Variants in IKZF1 observed in about 807,000 individuals in gnomAD.
IKZF1 encodes DNA-binding protein Ikaros.
Under a neutral mutation model 51.7 loss-of-function variants are expected in IKZF1, and 10 were observed. The ratio of observed to expected loss-of-function variants is 0.19; its 90% confidence interval spans 0.12 to 0.33. The LOEUF (loss-of-function observed/expected upper bound fraction) is 0.33, where lower values mean the gene tolerates loss of function less well. Among genes scored for constraint, IKZF1 ranks in the 10% least tolerant of loss-of-function variants. The probability of loss-of-function intolerance (pLI) is 1.00; values close to 1 mark genes in which losing one functional copy is unlikely to be tolerated. For synonymous variants in IKZF1, 280 were observed against 282.3 expected, an observed-to-expected ratio of 0.99 and a Z score of 0.08; for missense variants, 484 against 707.5, an observed-to-expected ratio of 0.68 and a Z score of 3.58.
chr7:50,313,381 G>A (rs1489661424), intron 1 of IKZF1, among the ~76,000 whole-genome samples: 1 of 152,192 alleles, frequency 6.6e-6, no homozygotes, highest in African/African-American at 2.4e-5. Flanking sequence ...AGCTTCACTT[G>A]TCAGGGAGGA....
chr7:50,402,840 GAGAC>G lies in IKZF1; in HGVS notation c.*2217_*2220del, dbSNP rs1818379754. ...CACCAATGCACTGAGTGAAGGAAGA[GAGAC>G]AGAGGATCAAGGGCTTTAGACAGCA... On this transcript the variant is annotated 3_prime_UTR_variant, in exon 8 of 8. Coordinates refer to ENST00000331340, the MANE Select transcript of IKZF1 (RefSeq NM_006060.6). 1 of 230,102 alleles carries G rather than the reference GAGAC, an allele frequency of 4.3e-6. No homozygotes were observed. Among genetic ancestry groups the G allele is most frequent in the Non-Finnish European group, 8.6e-6 (1 of 116,056 alleles). 14.3% of individuals were successfully genotyped at this position (230,102 alleles called of 1,614,324 possible).
At chr7:50,328,561 T>A (rs1351132866) in intron 3 of IKZF1, 1 of 152,220 alleles carries the variant, frequency 6.6e-6, no homozygotes, top group Non-Finnish European at 1.5e-5. Flanking sequence ...AGAGCTGTGA[T>A]ACTGAGAGCT....
chr7:50,315,010 T>C (rs1399941992), intron 1 of IKZF1, among the ~76,000 whole-genome samples: 7 of 152,350 alleles, frequency 4.6e-5, no homozygotes, highest in African/African-American at 1.7e-4. Flanking sequence ...CAGCGGAGGC[T>C]GTAAATCAGC....
chr7:50,342,530 C>T (rs1799291154), intron 3 of IKZF1, among the ~76,000 whole-genome samples: 2 of 152,154 alleles, frequency 1.3e-5, no homozygotes, highest in African/African-American at 4.8e-5. Context: ...AAGACAGACA[C>T]CATCACAACT....
At chr7:50,381,627 G>A (rs1456472048) in intron 4 of IKZF1, among the ~76,000 whole-genome samples, 2 of 152,224 alleles carry the variant, frequency 1.3e-5, no homozygotes, top group Non-Finnish European at 2.9e-5. Flanking sequence ...AGTCACAAAT[G>A]CAGCAGTCTC....
intron 3 of IKZF1, among the ~76,000 whole-genome samples, chr7:50,373,299 G>A (rs1423043424): frequency 1.3e-5 from 2 of 152,184 alleles, no homozygotes; most frequent in Non-Finnish European, 2.9e-5. Flanking sequence ...CTGATCAACA[G>A]CACACGCCAT....
chr7:50,349,385 G>A (rs938222158), intron 3 of IKZF1, among the ~76,000 whole-genome samples: 3 of 152,210 alleles, frequency 2.0e-5, no homozygotes, highest in Non-Finnish European at 2.9e-5. Context: ...AGCAAGGAGA[G>A]AAAACAGTTT....
intron 3 of IKZF1, among the ~76,000 whole-genome samples, chr7:50,353,388 G>A (rs139521142): frequency 6.6e-6 from 1 of 152,304 alleles, no homozygotes; most frequent in Non-Finnish European, 1.5e-5. Context: ...CAAGGCCTGA[G>A]GTCTGGAAGC....
At chr7:50,373,527 C>A (rs1307790233) in intron 3 of IKZF1, among the ~76,000 whole-genome samples, 1 of 152,188 alleles carries the variant, frequency 6.6e-6, no homozygotes, top group Admixed American at 6.5e-5. Context: ...CTTTTTCTAG[C>A]CTCGGAAGCA....
intron 5 of IKZF1, among the ~76,000 whole-genome samples, chr7:50,386,607 A>ATACATAGAAATATATGAGAATACGTT (rs1813451005): frequency 6.6e-6 from 1 of 152,100 alleles, no homozygotes; most frequent in Non-Finnish European, 1.5e-5. Context: ...GAGAATACGT[A>ATACATAGAAATATATGAGAATACGTT]TACATAGAAA....
chr7:50,311,872 T>A (rs1233914872), intron 1 of IKZF1, among the ~76,000 whole-genome samples: 2 of 151,362 alleles, frequency 1.3e-5, no homozygotes, highest in Admixed American at 6.6e-5. Flanking sequence ...TCTCTCTTTT[T>A]AAAAAAAAAT....
At chr7:50,347,276 A>G (rs984709372) in intron 3 of IKZF1, among the ~76,000 whole-genome samples, 3 of 152,174 alleles carry the variant, frequency 2.0e-5, no homozygotes, top group Non-Finnish European at 4.4e-5. Flanking sequence ...TGTTAAAATA[A>G]TAATGGAAAA....
intron 4 of IKZF1, among the ~76,000 whole-genome samples, chr7:50,378,876 C>T (rs76737445): frequency 0.024 from 3,709 of 152,346 alleles, 163 homozygotes; most frequent in African/African-American, 0.083. Context: ...TTTCCACTTG[C>T]CTAAATATAA....
chr7:50,388,525 G>A (rs916881453), intron 6 of IKZF1: 1 of 152,260 alleles, frequency 6.6e-6, no homozygotes, highest in Non-Finnish European at 1.5e-5. Context: ...TCCTCTGCCA[G>A]TCAGCCAGGG....
chr7:50,320,774 T>C (rs1195575861), intron 2 of IKZF1, among the ~76,000 whole-genome samples: 1 of 152,198 alleles, frequency 6.6e-6, no homozygotes, highest in Non-Finnish European at 1.5e-5. Flanking sequence ...ATTATCTATA[T>C]AAACAAAAAT....
intron 3 of IKZF1, among the ~76,000 whole-genome samples, chr7:50,343,207 C>T (rs1346459491): frequency 4.2e-5 from 5 of 119,402 alleles, no homozygotes; most frequent in Non-Finnish European, 8.7e-5. Flanking sequence ...CCCTTCCCCT[C>T]GTCTCCCTTC....
intron 2 of IKZF1, among the ~76,000 whole-genome samples, chr7:50,321,147 G>A (rs1236846900): frequency 2.0e-5 from 3 of 152,184 alleles, no homozygotes; most frequent in Admixed American, 6.5e-5. Flanking sequence ...CTTCCTCTTG[G>A]AAGACTGATG....
Position 50,402,440 on chromosome 7 carries a change from G to T in IKZF1, c.*1813G>T, listed in dbSNP as rs62447207. On this transcript the variant is annotated 3_prime_UTR_variant, in exon 8 of 8. Transcript: ENST00000331340. ...ATAGACGCCAGTAGCACCCCGAATT[G>T]ACAACCCAAACTCTCCAGACATCAC... 35,713 of 231,050 alleles carry T rather than the reference G, an allele frequency of 0.15. 3,258 individuals carry two copies. The highest frequency in any genetic ancestry group is 0.24 in the Middle Eastern group (186 of 768). 14.3% of individuals were successfully genotyped at this position (231,050 alleles called of 1,614,324 possible). A position where few individuals can be genotyped will look rare whatever the true frequency, so the allele number is the denominator to read the frequency against.
At chr7:50,348,397 T>C (rs1378322833) in intron 3 of IKZF1, among the ~76,000 whole-genome samples, 1 of 152,238 alleles carries the variant, frequency 6.6e-6, no homozygotes, top group African/African-American at 2.4e-5. Flanking sequence ...ATTAGCAGAA[T>C]TCTCACTTCT....
Sources: allele counts gnomAD v4.1 joint callset (sites outside exome capture counted in the v4.1 genomes callset), GRCh38; gene constraint gnomAD v4.1.1; transcripts MANE v1.5; gene names NCBI Gene and HGNC (gene_info 2026-07-23, HGNC 2026-07-21).